SLC39A10: variants seen among roughly 807,000 people sequenced by gnomAD.
SLC39A10 encodes zinc transporter ZIP10.
SLC39A10 carries 13 observed loss-of-function variants against 65.1 expected under a neutral mutation model. That is an observed-to-expected ratio of 0.20 (90% CI 0.13 to 0.32). The LOEUF is 0.32. Among genes scored for constraint, SLC39A10 ranks in the 10% least tolerant of loss-of-function variants. SLC39A10 has a pLI of 1.00. For missense variants in SLC39A10, 831 were observed against 1,018.4 expected, an observed-to-expected ratio of 0.82 and a Z score of 2.50; for synonymous variants, 321 against 342.2, an observed-to-expected ratio of 0.94 and a Z score of 0.68.
intron 3 of SLC39A10, among the ~76,000 whole-genome samples, chr2:195,691,298 G>A (rs1690731491): frequency 6.6e-6 from 1 of 152,046 alleles, no homozygotes; most frequent in African/African-American, 2.4e-5. Context: ...CCATATTTTT[G>A]GAATTGCAAG....
At chr2:195,673,334 A>G (rs1689946999) in intron 1 of SLC39A10, among the ~76,000 whole-genome samples, 1 of 151,426 alleles carries the variant, frequency 6.6e-6, no homozygotes, top group Non-Finnish European at 1.5e-5. Context: ...TTTTTTTTGT[A>G]TTTTTTTTGT....
At chr2:195,691,538 G>GT (rs1295633083) in intron 3 of SLC39A10, among the ~76,000 whole-genome samples, 4 of 151,938 alleles carry the variant, frequency 2.6e-5, no homozygotes, top group Admixed American at 2.0e-4. Flanking sequence ...TTATTTTTTG[G>GT]TTTTTTGATT....
At chr2:195,638,334 C>CT (rs1388406045) in intron 2 of SLC39A10, among the ~76,000 whole-genome samples, 3 of 150,730 alleles carry the variant, frequency 2.0e-5, no homozygotes, top group Admixed American at 1.3e-4. Context: ...CTTTTTTAAA[C>CT]TTTTTTTTTA....
chr2:195,730,768 A>G (rs1692410057), intron 9 of SLC39A10, among the ~76,000 whole-genome samples: 1 of 152,222 alleles, frequency 6.6e-6, no homozygotes, highest in Admixed American at 6.5e-5. Context: ...CATGTTCAGA[A>G]CAGCTCTTGA....
At position 195,714,914 on chromosome 2, in the gene SLC39A10, G is replaced by A. The variant is rs188809342; in HGVS notation, c.1696+1361G>A. On this transcript the variant is annotated intron_variant, in intron 6 of 9. Coordinates refer to ENST00000359634, the MANE Select transcript of SLC39A10 (RefSeq NM_020342.3). The stretch of plus-strand genomic sequence containing the variant: ...ACTACAGGCGCCCGCCATCACGCCC[G>A]TCTAATTTTTTGTGTTTTTAGTAGA... 3.8e-4 allele frequency among the ~76,000 whole-genome samples: 57 copies of A among 151,850 alleles called. No individual in the cohort carries two copies. In the South Asian group the frequency reaches 9.4e-3, roughly 25 times the overall value.
chr2:195,622,091 G>A (rs1024945042), intron 2 of SLC39A10, among the ~76,000 whole-genome samples: 5 of 152,012 alleles, frequency 3.3e-5, no homozygotes, highest in African/African-American at 1.2e-4. Flanking sequence ...TAGGGCTGGG[G>A]GCCGTGGTTT....
chr2:195,717,245 CAAAGT>C, intron 7 of SLC39A10: 1 of 411,380 alleles, frequency 2.4e-6, no homozygotes. Context: ...CTTGATTTCT[CAAAGT>C]AGAGTTACCA....
intron 5 of SLC39A10, 33 bp downstream of exon 5, chr2:195,708,877 A>G (rs775112177): frequency 1.6e-5 from 24 of 1,492,204 alleles, no homozygotes; most frequent in Non-Finnish European, 2.2e-5. Context: ...ATTTTATACC[A>G]TAAAACTCAA....
intron 1 of SLC39A10, among the ~76,000 whole-genome samples, chr2:195,672,469 TCTAAA>T (rs1431915753): frequency 6.6e-6 from 1 of 152,126 alleles, no homozygotes; most frequent in East Asian, 1.9e-4. Context: ...CTATAGTAGT[TCTAAA>T]CTAAAGTTGC....
chr2:195,672,400 C>G (rs1158221974), intron 1 of SLC39A10, among the ~76,000 whole-genome samples: 3 of 152,012 alleles, frequency 2.0e-5, no homozygotes, highest in Non-Finnish European at 2.9e-5. Flanking sequence ...ACTAAAGTGC[C>G]AGGATTACAG....
At chr2:195,654,206 T>A (rs1559016718), upstream of SLC39A10, among the ~76,000 whole-genome samples, 1 of 152,192 alleles carries the variant, frequency 6.6e-6, no homozygotes, top group Non-Finnish European at 1.5e-5. Context: ...CCCGAAGTGC[T>A]GGGATTACAG....
chr2:195,638,418 C>A (rs1217049755), intron 2 of SLC39A10, among the ~76,000 whole-genome samples: 1 of 152,078 alleles, frequency 6.6e-6, no homozygotes, highest in East Asian at 1.9e-4. Context: ...GGGCTCACTG[C>A]AGCCTCCACC....
intron 2 of SLC39A10, among the ~76,000 whole-genome samples, chr2:195,614,771 TA>T (rs1203146682): frequency 6.6e-6 from 1 of 151,558 alleles, no homozygotes; most frequent in Non-Finnish European, 1.5e-5. Context: ...ATGAAAAAAA[TA>T]GTCAGGCATG....
At chr2:195,698,663 G>T (rs1302930072) in intron 3 of SLC39A10, among the ~76,000 whole-genome samples, 3 of 151,216 alleles carry the variant, frequency 2.0e-5, no homozygotes, top group African/African-American at 7.3e-5. Flanking sequence ...ATCCCATTTA[G>T]TCAGGTTGTA....
chr2:195,616,942 C>A (rs561384929), intron 2 of SLC39A10, among the ~76,000 whole-genome samples: 2 of 152,154 alleles, frequency 1.3e-5, no homozygotes, highest in South Asian at 2.1e-4. Flanking sequence ...TGTTTTCCTT[C>A]TGTAAACTAC....
chr2:195,683,819 A>G lies in SLC39A10; in HGVS notation c.1129A>G (p.Ile377Val), dbSNP rs773209893. 1.2e-6 allele frequency: 2 copies of G among 1,613,406 alleles called. No individual in the cohort carries two copies. The highest frequency in any genetic ancestry group is 8.5e-7 in the Non-Finnish European group (1 of 1,179,512). Residue 377 changes from isoleucine to valine, a missense_variant, in exon 3 of 10, where the codon ATT becomes GTT. Physicochemically the swap from Ile to Val is conservative, Grantham distance 29 (BLOSUM62 3). Transcript: ENST00000359634. Reference protein sequence around the residue: ...LLYQIDSRLCIEHFDKLLVED... With the variant: ...LLYQIDSRLCVEHFDKLLVED... The stretch of plus-strand genomic sequence containing the variant: ...ATATCAAATCGACAGCAGACTTTGT[A>G]TTGAGCATTTTGACAAACTTTTAGT...
At position 195,680,987 on chromosome 2, in the gene SLC39A10, T is replaced by C. The variant is rs1690287731; in HGVS notation, c.945T>C (p.His315=). 1.2e-6 allele frequency: 2 copies of C among 1,613,724 alleles called. No homozygotes were observed. Among genetic ancestry groups the C allele is most frequent in the African/African-American group, 2.7e-5 (2 of 75,010 alleles). The change falls in exon 2 of 10, where the codon CAT becomes CAC. Residue 315 remains histidine (H), a synonymous_variant. Coordinates refer to ENST00000359634, the MANE Select transcript of SLC39A10 (RefSeq NM_020342.3). ...LRHTRKREAP[H]VKNNAIISLR... is the part of the protein sequence containing the mutation. ...ATACTAGAAAGAGAGAAGCACCACA[T>C]GTTAAAAATAATGCAATAATTTCTT...
At chr2:195,641,574 G>C (rs190052260) in intron 2 of SLC39A10, among the ~76,000 whole-genome samples, 1 of 152,058 alleles carries the variant, frequency 6.6e-6, no homozygotes, top group East Asian at 1.9e-4. Flanking sequence ...CTAAGTTTTA[G>C]AAATCCAACG....
rs113813368 is a variant in SLC39A10 at position 195,684,372 on chromosome 2, T to C, written c.1216+466T>C. Among the ~76,000 whole-genome samples, 397 of 152,248 alleles carry C rather than the reference T, an allele frequency of 2.6e-3. 1 individual carries two copies. The highest frequency in any genetic ancestry group is 9.4e-3 in the African/African-American group (391 of 41,566). On this transcript the variant is annotated intron_variant, in intron 3 of 9. Transcript: ENST00000359634. ...TGGGAAATGCCTAACAAACTTGACA[T>C]GTGAACTTTATTATGGGTATTTCTA...
Sources: allele counts gnomAD v4.1 joint callset (sites outside exome capture counted in the v4.1 genomes callset), GRCh38; gene constraint gnomAD v4.1.1; transcripts MANE v1.5; gene names NCBI Gene and HGNC (gene_info 2026-07-23, HGNC 2026-07-21).